SIK3: variants seen among roughly 807,000 people sequenced by gnomAD.
SIK3 encodes the protein SIK family kinase 3.
A neutral mutation model predicts 144.2 loss-of-function variants in SIK3; 28 were observed. The observed-to-expected ratio is 0.19, with a 90% CI of 0.14 to 0.27. SIK3 has a LOEUF of 0.27. Ranked by LOEUF, SIK3 falls within the 10% of genes least tolerant of loss-of-function variation. The pLI is 1.00. For missense variants in SIK3, 1,319 were observed against 1,776.0 expected (o/e 0.74, Z 4.62); for synonymous variants, 686 against 676.3 (o/e 1.01, Z -0.22).
At chr11:117,091,925 G>A (rs1316622980) in intron 1 of SIK3, among the ~76,000 whole-genome samples, 5 of 152,012 alleles carry the variant, frequency 3.3e-5, no homozygotes, top group African/African-American at 1.2e-4. Flanking sequence ...TGAGGCTACA[G>A]GTGCGCACCA....
chr11:116,918,589 G>C (rs1432791964), intron 4 of SIK3, among the ~76,000 whole-genome samples: 1 of 152,116 alleles, frequency 6.6e-6, no homozygotes, highest in Non-Finnish European at 1.5e-5. Flanking sequence ...GCACAAACTA[G>C]AAGTGTGAGT....
chr11:117,047,624 G>A lies in SIK3; in HGVS notation c.273+50519C>T, dbSNP rs1172989132. 2.6e-5 allele frequency among the ~76,000 whole-genome samples: 4 copies of A among 152,028 alleles called. No homozygotes were observed. In the East Asian group the frequency reaches 5.8e-4, roughly 22 times the overall value. ...AAGCACCAGACTTGGTTCATTTATC[G>A]GAACTCAGTAAATACTTGTTGCATT... On this transcript the variant is annotated intron_variant, in intron 1 of 24. Transcript: ENST00000445177.
At chr11:116,983,331 A>G (rs1950215716) in intron 1 of SIK3, among the ~76,000 whole-genome samples, 1 of 151,782 alleles carries the variant, frequency 6.6e-6, no homozygotes, top group Non-Finnish European at 1.5e-5. Context: ...CAGGAGTTCG[A>G]GACAAGCCTG....
At chr11:116,854,013 A>G (rs1157799829) in intron 21 of SIK3, among the ~76,000 whole-genome samples, 1 of 152,216 alleles carries the variant, frequency 6.6e-6, no homozygotes, top group African/African-American at 2.4e-5. Context: ...AATCGCCATC[A>G]AGGAAATAGG....
At chr11:116,929,704 A>C (rs1947491661) in intron 3 of SIK3, among the ~76,000 whole-genome samples, 1 of 152,244 alleles carries the variant, frequency 6.6e-6, no homozygotes, top group Admixed American at 6.5e-5. Context: ...TACCCAAAGA[A>C]AGAACAGAAT....
intron 1 of SIK3, among the ~76,000 whole-genome samples, chr11:117,028,902 T>G (rs1490262031): frequency 6.6e-6 from 1 of 151,956 alleles, no homozygotes; most frequent in Non-Finnish European, 1.5e-5. Context: ...GCATGGTGGC[T>G]CATACCTGTA....
At chr11:116,935,063 C>T (rs1002086441) in intron 3 of SIK3, among the ~76,000 whole-genome samples, 11 of 151,472 alleles carry the variant, frequency 7.3e-5, no homozygotes, top group African/African-American at 1.9e-4. Context: ...CCAGCCTGGG[C>T]GACAGAGTGA....
chr11:116,908,933 T>C (rs959699249), intron 4 of SIK3, among the ~76,000 whole-genome samples: 5 of 152,218 alleles, frequency 3.3e-5, no homozygotes, highest in African/African-American at 7.2e-5. Flanking sequence ...TTTAAGAGTA[T>C]ACCAGGATAA....
At position 116,858,005 on chromosome 11, in the gene SIK3, C is replaced by T. The variant is rs1490844308; in HGVS notation, c.3460G>A (p.Asp1154Asn). Reference protein sequence around the residue: ...EEDCSCEGAKDGFQDSKSSST... With the variant: ...EEDCSCEGAKNGFQDSKSSST... ...GAACTCTTACTGTCTTGGAAGCCATCCTTGGCCCCCTCACACGAGCAGTCC... is the reference window on the plus strand; with the variant it reads ...GAACTCTTACTGTCTTGGAAGCCATTCTTGGCCCCCTCACACGAGCAGTCC... Residue 1154 changes from aspartate to asparagine, a missense_variant, in exon 21 of 25, where the codon GAT becomes AAT. By Grantham distance (23) the Asp-to-Asn change is conservative (BLOSUM62 1). Coordinates refer to ENST00000445177, the MANE Select transcript of SIK3 (RefSeq NM_001366686.3). The surrounding 1 kb of genome is among the most constrained non-coding windows in gnomAD (Gnocchi z 5.4). 5 of 1,614,120 alleles carry T rather than the reference C, an allele frequency of 3.1e-6. No homozygotes were observed. Among genetic ancestry groups the T allele is most frequent in the Admixed American group, 1.7e-5 (1 of 60,020 alleles).
At chr11:117,087,468 A>C (rs1411913611) in intron 1 of SIK3, among the ~76,000 whole-genome samples, 1 of 151,986 alleles carries the variant, frequency 6.6e-6, no homozygotes, top group African/African-American at 2.4e-5. Flanking sequence ...TTACACTTGA[A>C]TTCTTGTCAT....
intron 1 of SIK3, among the ~76,000 whole-genome samples, chr11:116,959,812 T>C (rs776574855): frequency 6.6e-6 from 1 of 152,226 alleles, no homozygotes; most frequent in Non-Finnish European, 1.5e-5. Flanking sequence ...TATAATGGGT[T>C]TATTGGGACG....
intron 6 of SIK3, among the ~76,000 whole-genome samples, chr11:116,881,497 T>C (rs1944546925): frequency 6.6e-6 from 1 of 152,140 alleles, no homozygotes; most frequent in Non-Finnish European, 1.5e-5. Flanking sequence ...AGAATTAAGT[T>C]GACATAGCCA....
chr11:116,880,364 A>C, intron 6 of SIK3, among the ~76,000 whole-genome samples: 1 of 151,910 alleles, frequency 6.6e-6, no homozygotes, highest in East Asian at 1.9e-4. Flanking sequence ...ACTTTAGACT[A>C]CTCAACGATG....
chr11:116,858,806 G>A lies in SIK3; in HGVS notation c.2766-107C>T. 6.8e-7 allele frequency: 1 copy of A among 1,463,206 alleles called. No individual in the cohort carries two copies. Among genetic ancestry groups the A allele is most frequent in the Non-Finnish European group, 9.1e-7 (1 of 1,101,250 alleles). The allele number at this position is 1,463,206 out of a possible 1,614,324, so 90.6% of individuals were successfully genotyped here. A position where few individuals can be genotyped will look rare whatever the true frequency, so the allele number is the denominator to read the frequency against. ...AGAACCCACTGGTACAGAGAACTGT[G>A]GTGTGACAGAGAAGTGGCAGATGTA... On this transcript the variant is annotated intron_variant, in intron 20 of 24. Coordinates refer to ENST00000445177, the MANE Select transcript of SIK3 (RefSeq NM_001366686.3). This position sits in a 1 kb window ranked among gnomAD's most constrained non-coding sequence, Gnocchi z 5.4.
At position 116,847,554 on chromosome 11, in the gene SIK3, A is replaced by G. The variant is rs1413989509; in HGVS notation, c.3874T>C (p.Ser1292Pro). 6.2e-7 allele frequency: 1 copy of G among 1,614,162 alleles called. No individual in the cohort carries two copies. The highest frequency in any genetic ancestry group is 8.5e-7 in the Non-Finnish European group (1 of 1,180,022). ...AGAACTGCATCCGACATCCGGGCAGAGCTAAGTGCTTTCCCAGCCACGAGA... is the reference window on the plus strand; with the variant it reads ...AGAACTGCATCCGACATCCGGGCAGGGCTAAGTGCTTTCCCAGCCACGAGA... The part of the protein sequence containing the change: ...MSLVAGKALS[S>P]ARMSDAVLSQ... Residue 1292 changes from serine to proline, a missense_variant, in exon 23 of 25, where the codon TCT (serine) becomes CCT (proline). Around this residue, in one of 8 missense-constraint regions of SIK3, gnomAD observed 646 missense variants for 763.7 expected, o/e 0.85. Transcript: ENST00000445177.
chr11:117,017,500 G>T (rs989363487), intron 1 of SIK3, among the ~76,000 whole-genome samples: 2 of 149,918 alleles, frequency 1.3e-5, no homozygotes, highest in Non-Finnish European at 3.0e-5. Flanking sequence ...CACAGGCCTA[G>T]TACATAGTAA....
At chr11:116,874,503 C>T (rs576672783) in intron 11 of SIK3, among the ~76,000 whole-genome samples, 4 of 152,332 alleles carry the variant, frequency 2.6e-5, no homozygotes, top group African/African-American at 9.6e-5. Flanking sequence ...GGCTATCTTG[C>T]TACAATGATA....
chr11:117,021,960 A>C (rs1426744653), intron 1 of SIK3, among the ~76,000 whole-genome samples: 3 of 139,802 alleles, frequency 2.1e-5, no homozygotes, highest in Admixed American at 1.5e-4. Context: ...AAAAAAAAAA[A>C]ACCTAAAAAT....
intron 1 of SIK3, among the ~76,000 whole-genome samples, chr11:117,064,002 T>A (rs1953910951): frequency 6.6e-6 from 1 of 152,192 alleles, no homozygotes; most frequent in Non-Finnish European, 1.5e-5. Context: ...GGGACACTGA[T>A]AACTTTATTA....
Sources: allele counts gnomAD v4.1 joint callset (sites outside exome capture counted in the v4.1 genomes callset), GRCh38; gene constraint gnomAD v4.1.1; regional missense constraint gnomAD v4.1.1; non-coding constraint Gnocchi (gnomAD v3.1); transcripts MANE v1.5; gene names NCBI Gene and HGNC (gene_info 2026-07-23, HGNC 2026-07-21).